The following ZNF568 variants were observed in gnomAD, a reference collection of about 807,000 sequenced individuals.
ZNF568 encodes zinc finger protein 568.
Under a neutral mutation model 18.1 loss-of-function variants are expected in ZNF568, and 11 were observed. That is an observed-to-expected ratio of 0.61 (90% confidence interval 0.38 to 1.00). ZNF568 has a LOEUF of 1.00. ZNF568 is among the 50% of genes least tolerant of loss of function. The pLI, the probability that ZNF568 is intolerant of heterozygous loss-of-function variation, is 0.01. For missense variants in ZNF568, 639 were observed against 768.2 expected (o/e 0.83, Z 1.99); for synonymous variants, 213 against 246.6 (o/e 0.86, Z 1.28).
chr19:36,964,861 G>A (rs1409605876), intron 6 of ZNF568, among the ~76,000 whole-genome samples: 1 of 152,116 alleles, frequency 6.6e-6, no homozygotes, highest in Non-Finnish European at 1.5e-5. Flanking sequence ...AAGAGGTGGT[G>A]GAGCTTGTAG....
rs369736291 is a variant in ZNF568 at position 36,949,556 on chromosome 19, C to T, written c.403C>T (p.Leu135Phe). Reference protein sequence around the residue: ...DEQIKKQQETLVRKVTSISKK... With the variant: ...DEQIKKQQETFVRKVTSISKK... ...ACAGATCAAGAAGCAACAGGAAACA[C>T]TTGTGAGGAAAGTCACATCCATCTC... is the stretch of plus-strand genomic sequence containing the variant. Residue 135 changes from leucine to phenylalanine, a missense_variant, in exon 7 of 7, where the codon CTT becomes TTT. By Grantham distance (22) the Leu-to-Phe change is conservative. Transcript: ENST00000333987. The T allele has an allele frequency of 2.5e-6, 4 of 1,607,638 alleles. No individual in the cohort carries two copies. Among genetic ancestry groups the T allele is most frequent in the Non-Finnish European group, 3.4e-6 (4 of 1,177,498 alleles).
intron 6 of ZNF568, among the ~76,000 whole-genome samples, chr19:36,946,649 C>CTTT (rs33950985): frequency 1.3e-4 from 14 of 110,440 alleles, no homozygotes; most frequent in Admixed American, 2.0e-4. Flanking sequence ...TTTTTGTTTC[C>CTTT]TTTTTTTTTT....
At chr19:36,918,951 T>G (rs2073402841) in intron 2 of ZNF568, among the ~76,000 whole-genome samples, 1 of 152,226 alleles carries the variant, frequency 6.6e-6, no homozygotes, top group Admixed American at 6.5e-5. Context: ...CATGTTAGCA[T>G]GTATTGGAAT....
rs561165468 is a variant in ZNF568 at position 36,963,840 on chromosome 19, G to A, written c.359-10580G>A. On this transcript the variant is annotated intron_variant, in intron 6 of 7. Coordinates refer to the ZNF568 transcript ENST00000427117. ...AAATTAGCTGGCCATGGTGGCATGCGCCTGTAGTCCCAGCTACTCAGAAGG... is the reference window on the plus strand; with the variant it reads ...AAATTAGCTGGCCATGGTGGCATGCACCTGTAGTCCCAGCTACTCAGAAGG... 5.9e-5 allele frequency among the ~76,000 whole-genome samples: 9 copies of A among 152,096 alleles called. No individual in the cohort carries two copies. In the South Asian group the frequency reaches 1.0e-3, roughly 18 times the overall value.
At chr19:36,948,963 T>TTTG (rs1328396669) in intron 6 of ZNF568, among the ~76,000 whole-genome samples, 2 of 152,180 alleles carry the variant, frequency 1.3e-5, no homozygotes, top group African/African-American at 4.8e-5. Flanking sequence ...TTCATGATAC[T>TTTG]TTGTAGCTTT....
intron 3 of ZNF568, 58 bp from the exon 4 acceptor site, chr19:36,925,142 T>G: frequency 6.5e-7 from 1 of 1,537,302 alleles, no homozygotes; most frequent in East Asian, 2.2e-5. Context: ...TACTGAAGAT[T>G]TCTATATTCC....
intron 2 of ZNF568, among the ~76,000 whole-genome samples, chr19:36,985,596 C>T (rs572632610): frequency 2.0e-5 from 3 of 152,210 alleles, no homozygotes; most frequent in Non-Finnish European, 2.9e-5. Context: ...GATCTTGGCT[C>T]ACTGCAGCCT....
intron 4 of ZNF568, among the ~76,000 whole-genome samples, chr19:36,931,940 T>C (rs1395042321): frequency 6.6e-6 from 1 of 152,120 alleles, no homozygotes; most frequent in African/African-American, 2.4e-5. Context: ...TTTCTAGCTC[T>C]ATGGATTTGC....
At chr19:36,989,303 C>T (rs1485498761) in intron 2 of ZNF568, among the ~76,000 whole-genome samples, 1 of 152,154 alleles carries the variant, frequency 6.6e-6, no homozygotes, top group Non-Finnish European at 1.5e-5. Context: ...CTGCCTTAGC[C>T]CCCCTAGTAG....
intron 4 of ZNF568, among the ~76,000 whole-genome samples, chr19:36,930,749 C>T (rs2073673718): frequency 6.6e-6 from 1 of 152,136 alleles, no homozygotes; most frequent in Non-Finnish European, 1.5e-5. Context: ...TTCACATCAA[C>T]CCTTTAAGGA....
At chr19:36,990,109 T>C (rs2074410966) in intron 2 of ZNF568, among the ~76,000 whole-genome samples, 1 of 152,178 alleles carries the variant, frequency 6.6e-6, no homozygotes, top group South Asian at 2.1e-4. Flanking sequence ...TATCCTGAGA[T>C]ATGTAGATTG....
At chr19:36,965,724 A>T (rs79131546) in intron 6 of ZNF568, among the ~76,000 whole-genome samples, 3,609 of 30,682 alleles carry the variant, frequency 0.12, 209 homozygotes, top group African/African-American at 0.31. Flanking sequence ...TTTTTTTTTT[A>T]AGAGTCTTGC....
At chr19:36,975,681 CTT>C (rs1193440344) in intron 7 of ZNF568, among the ~76,000 whole-genome samples, 8 of 75,772 alleles carry the variant, frequency 1.1e-4, no homozygotes, top group South Asian at 5.2e-4. Context: ...CGCGCCAAGA[CTT>C]TTTTTTTTTT....
chr19:36,922,721 A>T lies in ZNF568; in HGVS notation c.-50A>T, dbSNP rs763457149. On this transcript the variant is annotated 5_prime_UTR_variant, in exon 3 of 7. Transcript: ENST00000333987. Reference sequence around the variant, plus strand: ...AGTCCTGAAAGAGAGTGGACCCTGGAGTTGCTGGAGCTTGTCTTGACCCTT... The same window carrying T: ...AGTCCTGAAAGAGAGTGGACCCTGGTGTTGCTGGAGCTTGTCTTGACCCTT... 6.5e-7 allele frequency: 1 copy of T among 1,545,008 alleles called. No individual in the cohort carries two copies. The highest frequency in any genetic ancestry group is 1.7e-5 in the Admixed American group (1 of 59,514).
downstream of ZNF568, among the ~76,000 whole-genome samples, chr19:36,956,809 G>A (rs1047616484): frequency 2.0e-5 from 3 of 151,912 alleles, no homozygotes; most frequent in Non-Finnish European, 4.4e-5. Context: ...TGTTGGCTAG[G>A]CTGGTCTTGA....
At chr19:36,927,887 T>TG (rs1491142078) in intron 4 of ZNF568, among the ~76,000 whole-genome samples, 1 of 39,070 alleles carries the variant, frequency 2.6e-5, no homozygotes, top group Admixed American at 4.5e-4. Flanking sequence ...TATATATATA[T>TG]TATATATATA....
At chr19:36,946,755 C>T (rs930421227) in intron 6 of ZNF568, among the ~76,000 whole-genome samples, 10 of 147,596 alleles carry the variant, frequency 6.8e-5, no homozygotes, top group African/African-American at 2.0e-4. Context: ...CAGGTTCACG[C>T]GATTCTCCTG....
At chr19:36,956,486 T>G (rs1453009333), downstream of ZNF568, among the ~76,000 whole-genome samples, 3 of 152,092 alleles carry the variant, frequency 2.0e-5, no homozygotes, top group Non-Finnish European at 4.4e-5. Flanking sequence ...TCCCAAGAGA[T>G]CTCCCCAATA....
chr19:36,979,640 A>G (rs2074315363), exon 8 of ZNF568: 1 of 152,214 alleles, frequency 6.6e-6, no homozygotes, highest in Non-Finnish European at 1.5e-5. Context: ...ATCCTACTGT[A>G]TAGCCATCCA....
Sources: allele counts gnomAD v4.1 joint callset (sites outside exome capture counted in the v4.1 genomes callset), GRCh38; gene constraint gnomAD v4.1.1; transcripts MANE v1.5; gene names NCBI Gene and HGNC (gene_info 2026-07-23, HGNC 2026-07-21).